The following LGR5 variants were observed in gnomAD, a reference collection of about 807,000 sequenced individuals.
LGR5 encodes the protein leucine rich repeat containing G protein-coupled receptor 5, also known as leucine-rich repeat-containing G protein-coupled receptor 5.
In LGR5, 54 loss-of-function variants were observed where a neutral mutation model predicts 76.7. The ratio of observed to expected loss-of-function variants is 0.70; its 90% confidence interval spans 0.57 to 0.88. The LOEUF is 0.88. Ranked by LOEUF, LGR5 falls within the 40% of genes least tolerant of loss-of-function variation. LGR5 has a pLI of 0.00. For synonymous variants in LGR5, 406 were observed against 421.9 expected, an observed-to-expected ratio of 0.96 and a Z score of 0.46; for missense variants, 1,078 against 1,073.3, an observed-to-expected ratio of 1.00 and a Z score of -0.06.
At chr12:71,490,532 T>C (rs1874020514) in intron 1 of LGR5, among the ~76,000 whole-genome samples, 1 of 152,166 alleles carries the variant, frequency 6.6e-6, no homozygotes, top group South Asian at 2.1e-4. Context: ...GTTAGTCTGC[T>C]TGGGTCTGAC....
chr12:71,558,428 A>G (rs1238939613), intron 6 of LGR5, among the ~76,000 whole-genome samples: 1 of 152,202 alleles, frequency 6.6e-6, no homozygotes, highest in Non-Finnish European at 1.5e-5. Flanking sequence ...GCCCAGGGCT[A>G]CAGAGGATAA....
intron 4 of LGR5, among the ~76,000 whole-genome samples, chr12:71,547,837 C>T (rs1049222342): frequency 2.7e-4 from 41 of 152,154 alleles, no homozygotes; most frequent in Non-Finnish European, 8.8e-5. Flanking sequence ...GAACTCCTGA[C>T]CTCAGGTGAT....
intron 1 of LGR5, among the ~76,000 whole-genome samples, chr12:71,451,290 G>A (rs1220762784): frequency 1.3e-5 from 2 of 152,166 alleles, no homozygotes; most frequent in Non-Finnish European, 2.9e-5. Context: ...GACAAGAGGA[G>A]GTTACAGTCT....
intron 4 of LGR5, among the ~76,000 whole-genome samples, chr12:71,545,463 T>G (rs1010947538): frequency 5.3e-5 from 8 of 152,016 alleles, no homozygotes; most frequent in Admixed American, 4.6e-4. Context: ...AAAAAATAAA[T>G]AAATAAAATG....
chr12:71,562,408 T>C (rs1592547879), intron 8 of LGR5, among the ~76,000 whole-genome samples: 1 of 152,276 alleles, frequency 6.6e-6, no homozygotes, highest in East Asian at 1.9e-4. Flanking sequence ...AGGATTTATA[T>C]GCCATAAAAG....
At chr12:71,451,887 C>T (rs1388545158) in intron 1 of LGR5, among the ~76,000 whole-genome samples, 1 of 152,116 alleles carries the variant, frequency 6.6e-6, no homozygotes, top group Non-Finnish European at 1.5e-5. Flanking sequence ...TGCAAACCAA[C>T]CAATCCAAAA....
intron 4 of LGR5, among the ~76,000 whole-genome samples, chr12:71,541,545 G>A (rs1448007293): frequency 6.6e-5 from 10 of 152,226 alleles, no homozygotes; most frequent in Admixed American, 5.2e-4. Context: ...TCTGTGATCA[G>A]TTGTGAAAAG....
At chr12:71,521,930 G>C (rs1409689315) in intron 2 of LGR5, among the ~76,000 whole-genome samples, 6 of 152,212 alleles carry the variant, frequency 3.9e-5, no homozygotes, top group Non-Finnish European at 8.8e-5. Flanking sequence ...GTTCAAAGTA[G>C]AGACACTGAC....
intron 3 of LGR5, 110 bp from the exon 4 acceptor site, chr12:71,535,003 CTT>C: frequency 1.5e-6 from 1 of 645,350 alleles, no homozygotes; most frequent in Non-Finnish European, 2.6e-6. Flanking sequence ...AAAGACAAGA[CTT>C]TGTCTGATGC....
chr12:71,471,045 C>A (rs969848649), intron 1 of LGR5, among the ~76,000 whole-genome samples: 1 of 152,282 alleles, frequency 6.6e-6, no homozygotes, highest in Admixed American at 6.5e-5. Context: ...TTGTTCAGAT[C>A]CCTGACACAC....
intron 17 of LGR5, 132 bp from the exon 18 acceptor site, chr12:71,583,515 G>A: frequency 1.0e-6 from 1 of 1,003,200 alleles, no homozygotes; most frequent in Non-Finnish European, 1.5e-6. Context: ...GCATGCACAT[G>A]GGCACTGTGT....
chr12:71,515,972 T>C (rs1875413173), intron 2 of LGR5, among the ~76,000 whole-genome samples: 1 of 152,210 alleles, frequency 6.6e-6, no homozygotes, highest in Admixed American at 6.5e-5. Flanking sequence ...TTTTGGAGCT[T>C]TGGTGTCTTC....
At position 71,571,663 on chromosome 12, in the gene LGR5, G is replaced by A. The variant is rs970188983; in HGVS notation, c.1136+84G>A. On this transcript the variant is annotated intron_variant, in intron 12 of 17. Coordinates refer to ENST00000266674, the MANE Select transcript of LGR5 (RefSeq NM_003667.4). ...TCAGGGTCACTGGTTCATTTACCCT[G>A]TGGTTCACTGGGGAGACATGTGATC... 1.0e-5 allele frequency: 10 copies of A among 958,842 alleles called. No homozygotes were observed. In the African/African-American group the frequency reaches 1.6e-4, roughly 16 times the overall value. The allele number at this position is 958,842 out of a possible 1,614,324, so 59.4% of individuals were successfully genotyped here. A position where few individuals can be genotyped will look rare whatever the true frequency, so the allele number is the denominator to read the frequency against.
At chr12:71,445,406 G>T (rs763135527) in intron 1 of LGR5, among the ~76,000 whole-genome samples, 1 of 152,144 alleles carries the variant, frequency 6.6e-6, no homozygotes, top group Non-Finnish European at 1.5e-5. Flanking sequence ...TGTTAAATCG[G>T]CCCATGAGTT....
chr12:71,533,353 A>G (rs907899394), intron 3 of LGR5, among the ~76,000 whole-genome samples: 5 of 152,176 alleles, frequency 3.3e-5, no homozygotes, highest in African/African-American at 9.6e-5. Context: ...CAAAATAAAT[A>G]AATAAATAAT....
intron 1 of LGR5, among the ~76,000 whole-genome samples, chr12:71,466,671 T>TGG (rs1275065816): frequency 1.3e-3 from 188 of 149,260 alleles, no homozygotes; most frequent in African/African-American, 4.7e-3. Context: ...CTGTCTTCCA[T>TGG]GTTTTTTTTT....
In LGR5 at chr12:71,524,478, G is replaced by A; in HGVS notation, c.356+1G>A. On this transcript the variant is annotated splice_donor_variant, in intron 3 of 17. Transcript: ENST00000266674. LOFTEE classifies it high-confidence loss of function. ...CTGGCCTTTACAGTCTTAAAGTTCTGTAAGTAAACTGAGTGTTGTTGGATA... is the reference window on the plus strand; with the variant it reads ...CTGGCCTTTACAGTCTTAAAGTTCTATAAGTAAACTGAGTGTTGTTGGATA... 1 of 1,600,600 alleles carries A rather than the reference G, an allele frequency of 6.2e-7. No homozygotes were observed. Among genetic ancestry groups the A allele is most frequent in the Non-Finnish European group, 8.6e-7 (1 of 1,168,334 alleles).
At chr12:71,546,526 T>A (rs1184269533) in intron 4 of LGR5, among the ~76,000 whole-genome samples, 1 of 151,966 alleles carries the variant, frequency 6.6e-6, no homozygotes, top group Non-Finnish European at 1.5e-5. Context: ...TTCCTCACCT[T>A]CCTCTCTGGC....
At chr12:71,582,057 G>A (rs1005555792) in intron 16 of LGR5, among the ~76,000 whole-genome samples, 14 of 152,182 alleles carry the variant, frequency 9.2e-5, no homozygotes, top group African/African-American at 3.1e-4. Context: ...GGTGTTCAGA[G>A]AACACAGCCT....
Sources: allele counts gnomAD v4.1 joint callset (sites outside exome capture counted in the v4.1 genomes callset), GRCh38; gene constraint gnomAD v4.1.1; transcripts MANE v1.5; gene names NCBI Gene and HGNC (gene_info 2026-07-23, HGNC 2026-07-21).